Variants in SPTBN4 observed in about 807,000 individuals in gnomAD.
The protein encoded by SPTBN4 is spectrin beta, non-erythrocytic 4, also known as spectrin beta chain, non-erythrocytic 4.
A neutral mutation model predicts 277.8 loss-of-function variants in SPTBN4; 96 were observed. The observed-to-expected ratio is 0.35, with a 90% confidence interval of 0.29 to 0.41. The LOEUF (loss-of-function observed/expected upper bound fraction) is 0.41, where lower values mean the gene tolerates loss of function less well. SPTBN4 is among the 10% of genes least tolerant of loss of function. The probability of loss-of-function intolerance (pLI) is 1.00; values close to 1 mark genes in which losing one functional copy is unlikely to be tolerated. For missense variants in SPTBN4, 3,006 were observed against 3,595.7 expected, an observed-to-expected ratio of 0.84 and a Z score of 4.19; for synonymous variants, 1,481 against 1,580.3, an observed-to-expected ratio of 0.94 and a Z score of 1.49.
chr19:40,570,785 G>A (rs2081148246), intron 33 of SPTBN4, 57 bp downstream of exon 33: 1 of 1,563,734 alleles, frequency 6.4e-7, no homozygotes, highest in South Asian at 1.2e-5. Flanking sequence ...TGACCATTGC[G>A]TGGAGCGGTG....
intron 2 of SPTBN4, among the ~76,000 whole-genome samples, chr19:40,481,342 C>T (rs1179995015): frequency 1.3e-5 from 2 of 152,132 alleles, no homozygotes; most frequent in Admixed American, 6.6e-5. Context: ...ATGTGTGAGC[C>T]ATGCGCCCGG....
In SPTBN4 at chr19:40,554,205, C is replaced by T. The variant is rs1440828564; in HGVS notation, c.4733C>T (p.Ala1578Val). The change falls in exon 23 of 36, where the codon GCG (alanine) becomes GTG (valine). Residue 1578 changes from alanine to valine, a missense_variant. By Grantham distance (64) the Ala-to-Val change is moderately conservative. This residue lies in a region of SPTBN4 where 1,759 missense variants were observed against 2,061.5 expected (regional missense o/e 0.85). Coordinates refer to ENST00000598249, the MANE Select transcript of SPTBN4 (RefSeq NM_020971.3). This position sits in a 1 kb window ranked among gnomAD's most constrained non-coding sequence, Gnocchi z 5.7. ...GPRLEEVLER[A>V]GALASLRSPE... is the part of the protein sequence containing the mutation. ...CGCCTGGAGGAGGTGCTGGAGCGCG[C>T]GGGCGCGCTGGCGTCGCTGCGCAGC... is the stretch of plus-strand genomic sequence containing the variant. 1.3e-6 allele frequency: 2 copies of T among 1,481,860 alleles called. No individual in the cohort carries two copies. The highest frequency in any genetic ancestry group is 2.5e-5 in the Admixed American group (1 of 40,730). The allele number at this position is 1,481,860 out of a possible 1,614,324, so 91.8% of individuals were successfully genotyped here.
At chr19:40,499,046 G>A (rs1196494456) in intron 7 of SPTBN4, among the ~76,000 whole-genome samples, 1 of 151,282 alleles carries the variant, frequency 6.6e-6, no homozygotes, top group Non-Finnish European at 1.5e-5. Flanking sequence ...TTATTTATTT[G>A]AGACAGAGCC....
intron 30 of SPTBN4, among the ~76,000 whole-genome samples, chr19:40,566,625 G>A (rs1319958998): frequency 2.6e-5 from 4 of 152,030 alleles, no homozygotes; most frequent in Non-Finnish European, 5.9e-5. Context: ...TGGCCTGGGG[G>A]ATTCTATTCT....
At chr19:40,540,266 A>G (rs985347238) in intron 20 of SPTBN4, among the ~76,000 whole-genome samples, 1 of 152,094 alleles carries the variant, frequency 6.6e-6, no homozygotes, top group African/African-American at 2.4e-5. Context: ...AGAGCATATC[A>G]CCATCACTCT....
At chr19:40,529,230 G>A in intron 18 of SPTBN4, 99 bp downstream of exon 18, 5 of 1,195,302 alleles carry the variant, frequency 4.2e-6, no homozygotes, top group Non-Finnish European at 6.1e-6. Context: ...CGTCTAAGTG[G>A]GTCGCGGAGC....
At chr19:40,549,525 C>G (rs915348082) in intron 21 of SPTBN4, 112 bp downstream of exon 21, 5 of 799,830 alleles carry the variant, frequency 6.3e-6, no homozygotes, top group Non-Finnish European at 7.4e-6. Flanking sequence ...CACTCATACG[C>G]TGAAAGACGC....
chr19:40,475,204 G>T (rs781468554), intron 2 of SPTBN4, among the ~76,000 whole-genome samples: 1 of 152,126 alleles, frequency 6.6e-6, no homozygotes, highest in South Asian at 2.1e-4. Flanking sequence ...AACTGGCAAA[G>T]ACCCTGAGGA....
rs768305742 is a variant in SPTBN4, at chr19:40,572,121, G to T, written c.7422G>T (p.Leu2474=). ...GGAGCACACACGGTGGGGAACCGCT[G>T]CTCAGCCTGCACAAGGCCACCAGCG... The part of the protein sequence containing the change: ...ASGSTHGGEP[L]LSLHKATSEV... The change falls in exon 34 of 36, where the codon CTG becomes CTT. Residue 2474 remains leucine (L), a synonymous_variant. Coordinates refer to ENST00000598249, the MANE Select transcript of SPTBN4 (RefSeq NM_020971.3). The T allele has an allele frequency of 5.6e-6, 9 of 1,612,592 alleles. No individual in the cohort carries two copies. The South Asian group carries it at 9.9e-5, about 18-fold the overall frequency.
At chr19:40,475,685 C>T (rs2079938956) in intron 2 of SPTBN4, among the ~76,000 whole-genome samples, 2 of 144,488 alleles carry the variant, frequency 1.4e-5, no homozygotes, top group Admixed American at 1.4e-4. Context: ...TGGTCTTGAA[C>T]TCCTGGGCTC....
chr19:40,554,974 G>A lies in SPTBN4; in HGVS notation c.5084+328G>A. ...GGCTCTTTCTACTCAGTGTCTGGGA[G>A]GACAGAAAAGCCTGTGCTGAGATTG... On this transcript the variant is annotated intron_variant, in intron 24 of 35. Transcript: ENST00000598249. This position sits in a 1 kb window ranked among gnomAD's most constrained non-coding sequence, Gnocchi z 5.7. The A allele has an allele frequency of 3.6e-6, 1 of 278,984 alleles. No homozygotes were observed. Among genetic ancestry groups the A allele is most frequent in the Non-Finnish European group, 6.9e-6 (1 of 144,000 alleles). 17.3% of individuals were successfully genotyped at this position (278,984 alleles called of 1,614,324 possible).
chr19:40,552,554 A>G (rs368570735), intron 22 of SPTBN4, among the ~76,000 whole-genome samples: 5 of 151,896 alleles, frequency 3.3e-5, no homozygotes, highest in African/African-American at 1.2e-4. Context: ...AATCCCCTCT[A>G]TAACCCTATG....
chr19:40,550,376 G>A (rs2080905189), intron 22 of SPTBN4, 49 bp downstream of exon 22: 3 of 1,566,704 alleles, frequency 1.9e-6, no homozygotes, highest in Non-Finnish European at 2.6e-6. Flanking sequence ...GGATACATGT[G>A]ATAGAAACAG....
At chr19:40,528,079 A>ACTCTCATGGAGACCCTGGGAGGAT (rs2080616060) in intron 17 of SPTBN4, among the ~76,000 whole-genome samples, 1 of 138,218 alleles carries the variant, frequency 7.2e-6, no homozygotes, top group African/African-American at 2.7e-5. Context: ...AAAAAAAAGG[A>ACTCTCATGGAGACCCTGGGAGGAT]CTCTAAGGAC....
chr19:40,565,714 G>A lies in SPTBN4; in HGVS notation c.6108G>A (p.Lys2036=). The A allele has an allele frequency of 6.4e-7, 1 of 1,553,890 alleles. No individual in the cohort carries two copies. Among genetic ancestry groups the A allele is most frequent in the Non-Finnish European group, 8.7e-7 (1 of 1,148,350 alleles). ...LGTRKEEVSE[K]WDRHWEWLQQ... is the part of the protein sequence containing the mutation. Reference sequence around the variant, plus strand: ...CCAGGAAGGAGGAGGTGTCGGAAAAGTGGGACCGCCATTGGGAGTGGCTGC... The same window carrying A: ...CCAGGAAGGAGGAGGTGTCGGAAAAATGGGACCGCCATTGGGAGTGGCTGC... Residue 2036 remains lysine (K), a synonymous_variant, in exon 29 of 36, where the codon AAG becomes AAA. Transcript: ENST00000598249.
At position 40,573,982 on chromosome 19, in the gene SPTBN4, G is replaced by A. The variant is rs563383531; in HGVS notation, c.7537-1429G>A. On this transcript the variant is annotated intron_variant, in intron 35 of 35. Transcript: ENST00000598249. The stretch of plus-strand genomic sequence containing the variant: ...CTGGGCATGGTGGCGGGCGCCTGTA[G>A]TCCCAGCTACTTGGGAGGCTGAGGC... 5.1e-4 allele frequency among the ~76,000 whole-genome samples: 76 copies of A among 149,584 alleles called. 1 individual carries two copies. In the South Asian group the frequency reaches 0.015, roughly 29 times the overall value.
At chr19:40,524,623 G>A (rs899884663) in intron 17 of SPTBN4, 1 of 456,372 alleles carries the variant, frequency 2.2e-6, no homozygotes, top group South Asian at 1.6e-5. Context: ...CTAGAGGCCA[G>A]GCACAGGTGT....
chr19:40,540,379 C>T (rs948161798), intron 20 of SPTBN4, among the ~76,000 whole-genome samples: 3 of 151,838 alleles, frequency 2.0e-5, no homozygotes, highest in Admixed American at 1.3e-4. Flanking sequence ...GGGGCATTTA[C>T]CCCTCTCCAT....
chr19:40,568,367 T>G, intron 31 of SPTBN4, 85 bp downstream of exon 31: 4 of 1,450,018 alleles, frequency 2.8e-6, no homozygotes, highest in Non-Finnish European at 3.6e-6. Context: ...TGAAAGGGCT[T>G]CAGGGCTCAG....
Sources: allele counts gnomAD v4.1 joint callset (sites outside exome capture counted in the v4.1 genomes callset), GRCh38; gene constraint gnomAD v4.1.1; regional missense constraint gnomAD v4.1.1; non-coding constraint Gnocchi (gnomAD v3.1); transcripts MANE v1.5; gene names NCBI Gene and HGNC (gene_info 2026-07-23, HGNC 2026-07-21).